Variants in PHF24 observed in about 807,000 individuals in gnomAD.
The protein encoded by PHF24 is PHD finger protein 24.
PHF24 carries 25 observed loss-of-function variants against 42.6 expected under a neutral mutation model. The observed-to-expected ratio is 0.59, with a 90% CI of 0.43 to 0.82. PHF24 has a LOEUF of 0.82. Among genes scored for constraint, PHF24 ranks in the 40% least tolerant of loss-of-function variants. The pLI, the probability that PHF24 is intolerant of heterozygous loss-of-function variation, is 0.00. For missense variants in PHF24, 470 were observed against 538.1 expected (o/e 0.87, Z 1.25); for synonymous variants, 185 against 204.8 (o/e 0.90, Z 0.83).
At chr9:34,874,296 A>G in the PHF24 span, among the ~76,000 whole-genome samples, 2 of 152,218 alleles carry the variant, frequency 1.3e-5, no homozygotes, top group African/African-American at 4.8e-5. Flanking sequence ...GAATCCTTCC[A>G]GTTTTTGCCC....
the PHF24 span, among the ~76,000 whole-genome samples, chr9:34,688,229 T>C: frequency 6.6e-6 from 1 of 152,244 alleles, no homozygotes; most frequent in Admixed American, 6.5e-5. Flanking sequence ...GACACCTCTC[T>C]TCCCAAGCAA....
At chr9:34,974,920 A>T (rs1311352798) in intron 3 of PHF24, among the ~76,000 whole-genome samples, 2 of 152,032 alleles carry the variant, frequency 1.3e-5, no homozygotes, top group Non-Finnish European at 2.9e-5. Context: ...ACATCCAGTG[A>T]GTCATCAGGT....
At chr9:34,862,903 A>C in the PHF24 span, among the ~76,000 whole-genome samples, 43 of 151,922 alleles carry the variant, frequency 2.8e-4, no homozygotes, top group Non-Finnish European at 5.7e-4. Context: ...CCTGGGCCAG[A>C]AGGGAGCCTA....
the PHF24 span, among the ~76,000 whole-genome samples, chr9:34,869,153 A>G: frequency 5.6e-3 from 849 of 152,324 alleles, 3 homozygotes; most frequent in Non-Finnish European, 9.0e-3. Context: ...CCAGTCTACC[A>G]TTGATGGGCA....
chr9:34,692,136 T>G, the PHF24 span, among the ~76,000 whole-genome samples: 2 of 152,114 alleles, frequency 1.3e-5, no homozygotes, highest in Admixed American at 6.5e-5. Flanking sequence ...AAACTAAATG[T>G]GAAACGCCCA....
chr9:34,690,115 G>T, the PHF24 span: 13 of 1,582,676 alleles, frequency 8.2e-6, no homozygotes, highest in East Asian at 6.7e-5. Flanking sequence ...TCCTTGAAGG[G>T]GTTGGGCTTG....
At chr9:34,829,806 G>A in the PHF24 span, among the ~76,000 whole-genome samples, 4 of 152,214 alleles carry the variant, frequency 2.6e-5, no homozygotes, top group African/African-American at 9.6e-5. Flanking sequence ...TAACTTGAGA[G>A]TCATCAAGAT....
At chr9:34,814,412 T>C in the PHF24 span, among the ~76,000 whole-genome samples, 1 of 152,202 alleles carries the variant, frequency 6.6e-6, no homozygotes, top group Non-Finnish European at 1.5e-5. Flanking sequence ...AAGCAACTTT[T>C]AGGGTTAAGG....
chr9:34,815,194 A>G, the PHF24 span, among the ~76,000 whole-genome samples: 1 of 152,266 alleles, frequency 6.6e-6, no homozygotes, highest in African/African-American at 2.4e-5. Context: ...CAAGGGCATT[A>G]GCCTAATTGG....
At chr9:34,953,036 C>A (rs1041387725), upstream of PHF24, among the ~76,000 whole-genome samples, 20 of 152,170 alleles carry the variant, frequency 1.3e-4, no homozygotes, top group African/African-American at 4.3e-4. This position sits in a 1 kb window ranked among gnomAD's most constrained non-coding sequence, Gnocchi z 4.1. Context: ...CCTAAAAGGG[C>A]AAAATCTTTT....
At chr9:34,976,553 A>G in exon 5 of PHF24, 1 of 1,613,298 alleles carries the variant, frequency 6.2e-7, no homozygotes, top group East Asian at 2.2e-5. Flanking sequence ...CTGACACTGG[A>G]GGACTTTCTG....
the PHF24 span, among the ~76,000 whole-genome samples, chr9:34,668,907 A>C: frequency 1.3e-5 from 2 of 152,122 alleles, no homozygotes; most frequent in East Asian, 3.9e-4. Context: ...TTATGCAAAA[A>C]TGCAGATCCA....
the PHF24 span, among the ~76,000 whole-genome samples, chr9:34,929,530 A>G: frequency 6.6e-6 from 1 of 152,208 alleles, no homozygotes; most frequent in East Asian, 1.9e-4. Context: ...AAATGAAGGG[A>G]TGAGATGAGC....
chr9:34,729,597 A>G, the PHF24 span: 1 of 632,164 alleles, frequency 1.6e-6, no homozygotes, highest in Non-Finnish European at 2.6e-6. Context: ...TACATGTAGT[A>G]GGGAAGCTCA....
chr9:34,976,597 C>T (rs776629054), exon 5 of PHF24: 21 of 1,614,040 alleles, frequency 1.3e-5, no homozygotes, highest in Middle Eastern at 1.6e-4. Flanking sequence ...GCGGGGGGAC[C>T]GTGACAGGGC....
At chr9:34,849,738 T>A in the PHF24 span, among the ~76,000 whole-genome samples, 715 of 150,426 alleles carry the variant, frequency 4.8e-3, 7 homozygotes, top group African/African-American at 0.016. Context: ...AGTGGCTGGT[T>A]CCGGTTGTTC....
At chr9:34,804,088 A>G in the PHF24 span, among the ~76,000 whole-genome samples, 1 of 152,142 alleles carries the variant, frequency 6.6e-6, no homozygotes, top group Non-Finnish European at 1.5e-5. Context: ...AGAGAGACCC[A>G]AGGTTGCAAA....
At chr9:34,871,651 A>G in the PHF24 span, among the ~76,000 whole-genome samples, 1 of 152,238 alleles carries the variant, frequency 6.6e-6, no homozygotes, top group South Asian at 2.1e-4. Context: ...TCATTTTTGC[A>G]TATTGATGTT....
the PHF24 span, among the ~76,000 whole-genome samples, chr9:34,853,689 G>A: frequency 9.9e-5 from 15 of 151,384 alleles, no homozygotes; most frequent in African/African-American, 1.5e-4. Flanking sequence ...TTAGCCGGGC[G>A]TAGTGGCGGG....
Sources: allele counts gnomAD v4.1 joint callset (sites outside exome capture counted in the v4.1 genomes callset), GRCh38; gene constraint gnomAD v4.1.1; non-coding constraint Gnocchi (gnomAD v3.1); transcripts MANE v1.5; gene names NCBI Gene and HGNC (gene_info 2026-07-23, HGNC 2026-07-21).